LPP: variants seen among roughly 807,000 people sequenced by gnomAD.
LPP encodes the protein lipoma-preferred partner.
A neutral mutation model predicts 60.4 loss-of-function variants in LPP; 38 were observed. The observed-to-expected ratio is 0.63, with a 90% CI of 0.49 to 0.83. The LOEUF is 0.83. LPP is among the 40% of genes least tolerant of loss of function. The probability of loss-of-function intolerance (pLI) is 0.00; values close to 1 mark genes in which losing one functional copy is unlikely to be tolerated. For missense variants in LPP, 902 were observed against 783.6 expected, an observed-to-expected ratio of 1.15 and a Z score of -1.80; for synonymous variants, 328 against 290.8, an observed-to-expected ratio of 1.13 and a Z score of -1.30.
chr3:188,809,929 A>G (rs1336267702), intron 9 of LPP, among the ~76,000 whole-genome samples: 1 of 152,124 alleles, frequency 6.6e-6, no homozygotes, highest in Admixed American at 6.6e-5. Flanking sequence ...ACCATTTATT[A>G]AATAAGGAAC....
At position 188,885,468 on chromosome 3, in the gene LPP, G is replaced by C; in HGVS notation, c.*10989G>C. The C allele has an allele frequency of 5.4e-6, 1 of 186,634 alleles. No individual in the cohort carries two copies. Among genetic ancestry groups the C allele is most frequent in the Non-Finnish European group, 1.1e-5 (1 of 88,204 alleles). 11.6% of individuals were successfully genotyped at this position (186,634 alleles called of 1,614,324 possible). A position where few individuals can be genotyped will look rare whatever the true frequency, so the allele number is the denominator to read the frequency against. Reference sequence around the variant, plus strand: ...AGTGGTGGCTTTGGTTGAGATGCACGTTCACAGACTAGAAAAGTGCCTCAC... The same window carrying C: ...AGTGGTGGCTTTGGTTGAGATGCACCTTCACAGACTAGAAAAGTGCCTCAC... On this transcript the variant is annotated 3_prime_UTR_variant, in exon 12 of 12. Transcript: ENST00000617246.
At chr3:188,342,550 T>C (rs968273198) in intron 3 of LPP, among the ~76,000 whole-genome samples, 2 of 152,244 alleles carry the variant, frequency 1.3e-5, no homozygotes, top group Non-Finnish European at 2.9e-5. Context: ...AGTCAATATG[T>C]AGAATAGTAA....
At chr3:188,859,589 C>A (rs1044608250) in intron 9 of LPP, among the ~76,000 whole-genome samples, 1 of 152,182 alleles carries the variant, frequency 6.6e-6, no homozygotes, top group Non-Finnish European at 1.5e-5. Flanking sequence ...CTGTTGAACA[C>A]TTTGTTCCAT....
chr3:188,648,895 T>A (rs566194082), intron 7 of LPP, among the ~76,000 whole-genome samples: 1 of 152,316 alleles, frequency 6.6e-6, no homozygotes, highest in African/African-American at 2.4e-5. Context: ...CAAGCTAAGA[T>A]GCACATGTCA....
intron 1 of LPP, among the ~76,000 whole-genome samples, chr3:188,185,050 G>A (rs36039305): frequency 0.068 from 10,310 of 152,186 alleles, 478 homozygotes; most frequent in East Asian, 0.17. Context: ...ACTGTGATAC[G>A]TGTTTGCACC....
At chr3:188,817,495 A>G (rs1026167882) in intron 9 of LPP, among the ~76,000 whole-genome samples, 2 of 152,206 alleles carry the variant, frequency 1.3e-5, no homozygotes, top group Non-Finnish European at 2.9e-5. Context: ...AACAAACTGG[A>G]TGTCTCTTCT....
At chr3:188,350,757 G>T (rs536212083) in intron 3 of LPP, among the ~76,000 whole-genome samples, 1 of 152,162 alleles carries the variant, frequency 6.6e-6, no homozygotes, top group East Asian at 1.9e-4. Flanking sequence ...ATGAAGATAG[G>T]TGGGGTGGAC....
intron 3 of LPP, among the ~76,000 whole-genome samples, chr3:188,354,725 A>C (rs9865818): frequency 6.6e-6 from 1 of 152,224 alleles, no homozygotes; most frequent in Non-Finnish European, 1.5e-5. Flanking sequence ...TTCAGCCCTC[A>C]TTGATACCCA....
At chr3:188,620,266 TTA>T (rs1452386042) in intron 7 of LPP, among the ~76,000 whole-genome samples, 2 of 152,152 alleles carry the variant, frequency 1.3e-5, no homozygotes, top group African/African-American at 4.8e-5. Flanking sequence ...TGTGCAATCA[TTA>T]TCACAATCAA....
At chr3:188,407,772 TTTTTTTTG>T (rs1560364033) in intron 4 of LPP, among the ~76,000 whole-genome samples, 7 of 94,528 alleles carry the variant, frequency 7.4e-5, no homozygotes, top group African/African-American at 2.1e-4. Context: ...TTTATGGTTT[TTTTTTTTG>T]TTTGTTTGTT....
At chr3:188,797,842 T>C (rs934064282) in intron 9 of LPP, among the ~76,000 whole-genome samples, 1 of 152,202 alleles carries the variant, frequency 6.6e-6, no homozygotes, top group African/African-American at 2.4e-5. Context: ...ATAACTTTTC[T>C]TTCTATTTGT....
At position 188,886,737 on chromosome 3, in the gene LPP, TAC is replaced by T. The variant is rs755287902; in HGVS notation, c.*12285_*12286del. Reference sequence around the variant, plus strand: ...TCTTCAAAACACACACACACACACATACACACACACACACACACACACACACA... The same window carrying T: ...TCTTCAAAACACACACACACACACATACACACACACACACACACACACACA... On this transcript the variant is annotated 3_prime_UTR_variant, in exon 12 of 12. Coordinates refer to ENST00000617246, the MANE Select transcript of LPP (RefSeq NM_001375462.1). 15,308 of 189,124 alleles carry T rather than the reference TAC, an allele frequency of 0.081. 408 individuals are homozygous for T. The highest frequency in any genetic ancestry group is 0.095 in the African/African-American group (3,399 of 35,686). The allele number at this position is 189,124 out of a possible 1,614,324, so 11.7% of individuals were successfully genotyped here.
Position 188,696,733 on chromosome 3 carries a change from G to T in LPP, c.1114-11534G>T, listed in dbSNP as rs149345124. ...TTTGAACCCAAGTAAGCAGACCCTA[G>T]AACCTATATATCTAAGGCATACTGA... On this transcript the variant is annotated intron_variant, in intron 7 of 11. Coordinates refer to ENST00000617246, the MANE Select transcript of LPP (RefSeq NM_001375462.1). Among the ~76,000 whole-genome samples the T allele has an allele frequency of 7.3e-3, 1,109 of 152,222 alleles. 4 individuals carry two copies. Among genetic ancestry groups the T allele is most frequent in the Non-Finnish European group, 0.011 (722 of 68,010 alleles).
At chr3:188,713,191 A>T (rs528165175) in intron 8 of LPP, among the ~76,000 whole-genome samples, 1 of 152,342 alleles carries the variant, frequency 6.6e-6, no homozygotes, top group Admixed American at 6.5e-5. Context: ...AGCATCGTCT[A>T]GGCAGTGGTC....
intron 2 of LPP, among the ~76,000 whole-genome samples, chr3:188,231,991 G>A (rs1300494353): frequency 2.0e-5 from 3 of 152,078 alleles, no homozygotes; most frequent in Non-Finnish European, 4.4e-5. Flanking sequence ...GATATACAAC[G>A]TTACTTTGAG....
At chr3:188,522,687 G>T (rs372787602) in intron 5 of LPP, among the ~76,000 whole-genome samples, 6 of 151,036 alleles carry the variant, frequency 4.0e-5, no homozygotes, top group Non-Finnish European at 7.4e-5. Context: ...ATTTAAAAGG[G>T]TAGGGGAATA....
rs571326647 is a variant in LPP at position 188,213,228 on chromosome 3, A to G, written c.-189-12177A>G. On this transcript the variant is annotated intron_variant, in intron 1 of 11. Transcript: ENST00000617246. ...TTATGGTGGGATTTAAGAGTATGCAAAATGTTGATGTGTAGCATTTGCACA... is the reference window on the plus strand; with the variant it reads ...TTATGGTGGGATTTAAGAGTATGCAGAATGTTGATGTGTAGCATTTGCACA... Among the ~76,000 whole-genome samples, 3 of 152,282 alleles carry G rather than the reference A, an allele frequency of 2.0e-5. No individual in the cohort carries two copies. The East Asian group carries it at 5.8e-4, about 29-fold the overall frequency.
At chr3:188,535,282 T>C (rs1823262348) in intron 6 of LPP, among the ~76,000 whole-genome samples, 2 of 152,144 alleles carry the variant, frequency 1.3e-5, no homozygotes, top group South Asian at 4.1e-4. Context: ...TTTTGGAAGT[T>C]TTACGTAACA....
At chr3:188,588,596 A>C (rs988749388) in intron 6 of LPP, among the ~76,000 whole-genome samples, 1 of 152,234 alleles carries the variant, frequency 6.6e-6, no homozygotes, top group Non-Finnish European at 1.5e-5. Context: ...CACATACCTC[A>C]GTTTCCTCAT....
Sources: gnomAD v4.1 joint callset for allele counts (sites outside exome capture counted in the v4.1 genomes callset) on GRCh38, gnomAD v4.1.1 for gene constraint, MANE v1.5 for transcripts, NCBI Gene and HGNC (gene_info 2026-07-23, HGNC 2026-07-21) for gene names.